MTAP: variants seen among roughly 807,000 people sequenced by gnomAD.
The protein encoded by MTAP is methylthioadenosine phosphorylase, also known as S-methyl-5'-thioadenosine phosphorylase.
In MTAP, 33 loss-of-function variants were observed where a neutral mutation model predicts 33.6. That is an observed-to-expected ratio of 0.98 (90% CI 0.74 to 1.31). The LOEUF (loss-of-function observed/expected upper bound fraction) is 1.31, where lower values mean the gene tolerates loss of function less well. MTAP is among the 40% of genes most tolerant of loss of function. MTAP has a pLI of 0.00. For missense variants in MTAP, 367 were observed against 360.0 expected, an observed-to-expected ratio of 1.02 and a Z score of -0.16; for synonymous variants, 148 against 125.7, an observed-to-expected ratio of 1.18 and a Z score of -1.19.
At chr9:21,837,874 A>G in intron 4 of MTAP, 34 bp from the exon 5 acceptor site, 1 of 1,585,852 alleles carries the variant, frequency 6.3e-7, no homozygotes, top group Non-Finnish European at 8.6e-7. Flanking sequence ...CTTAAAATAA[A>G]ACAAACAAAA....
intron 1 of MTAP, among the ~76,000 whole-genome samples, chr9:21,909,496 T>C (rs943511901): frequency 6.6e-6 from 1 of 152,130 alleles, no homozygotes; most frequent in Non-Finnish European, 1.5e-5. Context: ...CTTCATGCAT[T>C]AAGCTATTCA....
chr9:21,870,226 C>A (rs1825916919), downstream of MTAP, among the ~76,000 whole-genome samples: 2 of 152,252 alleles, frequency 1.3e-5, no homozygotes, highest in Non-Finnish European at 2.9e-5. Context: ...AGGACTCTTA[C>A]AAGCACAGCT....
chr9:21,846,222 C>T (rs1825378301), intron 5 of MTAP, among the ~76,000 whole-genome samples: 1 of 152,082 alleles, frequency 6.6e-6, no homozygotes, highest in Non-Finnish European at 1.5e-5. Context: ...TGATCAACAA[C>T]CCAAAAGCAA....
intron 7 of MTAP, 58 bp from the exon 8 acceptor site, chr9:21,861,918 A>G: frequency 1.0e-6 from 1 of 995,236 alleles, no homozygotes; most frequent in Admixed American, 1.9e-5. Flanking sequence ...TTTTTTTAAC[A>G]AACATCTCAG....
intron 4 of MTAP, among the ~76,000 whole-genome samples, chr9:21,825,327 G>T (rs1018273680): frequency 1.3e-5 from 2 of 152,180 alleles, no homozygotes; most frequent in African/African-American, 2.4e-5. Context: ...GAATAATGCT[G>T]CAGGGACCAT....
At chr9:21,911,177 T>C (rs1239788770) in intron 1 of MTAP, among the ~76,000 whole-genome samples, 1 of 152,094 alleles carries the variant, frequency 6.6e-6, no homozygotes, top group Admixed American at 6.5e-5. Flanking sequence ...CACACAGTAA[T>C]AATGGGAGAC....
At chr9:21,871,236 C>A (rs117033904), downstream of MTAP, among the ~76,000 whole-genome samples, 3,494 of 152,216 alleles carry the variant, frequency 0.023, 68 homozygotes, top group Non-Finnish European at 0.036. Flanking sequence ...TTCATTTGCT[C>A]AGTTGCACTA....
At chr9:21,804,799 G>A (rs527957758) in intron 1 of MTAP, among the ~76,000 whole-genome samples, 1 of 152,296 alleles carries the variant, frequency 6.6e-6, no homozygotes, top group East Asian at 1.9e-4. Flanking sequence ...GCCCAGAAAG[G>A]TCAGCTAAGT....
chr9:21,816,204 C>A (rs994596203), intron 2 of MTAP, among the ~76,000 whole-genome samples: 1 of 152,166 alleles, frequency 6.6e-6, no homozygotes, highest in African/African-American at 2.4e-5. Flanking sequence ...GCTCCCAGTC[C>A]TGCAGTCATC....
At position 21,863,293 on chromosome 9, in the gene MTAP, T is replaced by G; in HGVS notation, c.*1279T>G. The G allele has an allele frequency of 1.0e-6, 1 of 984,642 alleles. No individual in the cohort carries two copies. The highest frequency in any genetic ancestry group is 1.2e-6 in the Non-Finnish European group (1 of 829,190). 61.0% of individuals were successfully genotyped at this position (984,642 alleles called of 1,614,324 possible). The stretch of plus-strand genomic sequence containing the variant: ...TGGAAGCTTGCTTTTTTAACTCTTT[T>G]TTTATTGTTATTTTATAGAAATGCT... On this transcript the variant is annotated 3_prime_UTR_variant, in exon 8 of 8. Transcript: ENST00000644715.
intron 1 of MTAP, among the ~76,000 whole-genome samples, chr9:21,877,911 G>A (rs1014476338): frequency 6.6e-6 from 1 of 151,988 alleles, no homozygotes; most frequent in African/African-American, 2.4e-5. Context: ...CTCAGTTTTT[G>A]GAATAGTTTT....
intron 1 of MTAP, among the ~76,000 whole-genome samples, chr9:21,921,946 A>G (rs1288742822): frequency 6.6e-6 from 1 of 152,080 alleles, no homozygotes; most frequent in African/African-American, 2.4e-5. Context: ...CCCATCCCCC[A>G]CCAGTAATGT....
chr9:21,915,046 T>TCCTC (rs1818659419), intron 1 of MTAP, among the ~76,000 whole-genome samples: 1 of 108,638 alleles, frequency 9.2e-6, no homozygotes, highest in Non-Finnish European at 1.7e-5. Flanking sequence ...CTTCCTTCCT[T>TCCTC]CCTTCCTTCC....
chr9:21,820,560 G>A (rs571753357), intron 4 of MTAP, among the ~76,000 whole-genome samples: 2 of 152,296 alleles, frequency 1.3e-5, no homozygotes, highest in East Asian at 1.9e-4. Context: ...AGTGTAGTTT[G>A]AAGTCAGGTA....
chr9:21,925,746 G>A (rs1337324986), intron 1 of MTAP, among the ~76,000 whole-genome samples: 1 of 123,850 alleles, frequency 8.1e-6, no homozygotes, highest in Non-Finnish European at 1.5e-5. Flanking sequence ...AGCTGAAAAG[G>A]CCCGCCACTC....
chr9:21,925,051 G>C (rs1018504817), intron 1 of MTAP, among the ~76,000 whole-genome samples: 1 of 152,216 alleles, frequency 6.6e-6, no homozygotes, highest in African/African-American at 2.4e-5. Flanking sequence ...TGGCTACCCT[G>C]TATGGGCCAC....
rs1420688339 is a variant in MTAP at position 21,882,724 on chromosome 9, GT to G, written c.147+27858del. ...TGGTACATTTACCAGAACTGATGAT[GT>G]TTTAGAACAAATTGTCTCAATAAAT... On this transcript the variant is annotated intron_variant, in intron 1 of 1. Transcript: ENST00000577563. Among the ~76,000 whole-genome samples the G allele has an allele frequency of 2.6e-5, 4 of 151,942 alleles. No homozygotes were observed. In the East Asian group the frequency reaches 7.7e-4, roughly 29 times the overall value.
intron 1 of MTAP, among the ~76,000 whole-genome samples, chr9:21,923,063 C>G (rs905666258): frequency 1.3e-5 from 2 of 152,216 alleles, no homozygotes; most frequent in Non-Finnish European, 2.9e-5. Context: ...TGTCTCTCTT[C>G]TTTCACTTTG....
At chr9:21,900,145 A>G (rs1035305369) in intron 1 of MTAP, among the ~76,000 whole-genome samples, 2 of 152,210 alleles carry the variant, frequency 1.3e-5, no homozygotes, top group Non-Finnish European at 2.9e-5. Flanking sequence ...GGAAGACTCC[A>G]AAAGCAATTG....
Sources: gnomAD v4.1 joint callset for allele counts (sites outside exome capture counted in the v4.1 genomes callset) on GRCh38, gnomAD v4.1.1 for gene constraint, MANE v1.5 for transcripts, NCBI Gene and HGNC (gene_info 2026-07-23, HGNC 2026-07-21) for gene names.